The following NEK4 variants were observed in gnomAD, a reference collection of about 807,000 sequenced individuals.
The protein encoded by NEK4 is NIMA related kinase 4.
NEK4 carries 86 observed loss-of-function variants against 98.4 expected under a neutral mutation model. That is an observed-to-expected ratio of 0.87 (90% CI 0.73 to 1.05). NEK4 has a LOEUF of 1.05. Ranked by LOEUF, NEK4 falls within the 50% of genes least tolerant of loss-of-function variation. The probability of loss-of-function intolerance (pLI) is 0.00; values close to 1 mark genes in which losing one functional copy is unlikely to be tolerated. For synonymous variants in NEK4, 328 were observed against 342.2 expected (o/e 0.96, Z 0.46); for missense variants, 898 against 950.3 (o/e 0.94, Z 0.72).
intron 10 of NEK4, among the ~76,000 whole-genome samples, chr3:52,745,409 A>C (rs1317544046): frequency 6.6e-6 from 1 of 151,920 alleles, no homozygotes; most frequent in Non-Finnish European, 1.5e-5. Context: ...GTGTAACCCT[A>C]TCTCTACTAA....
At chr3:52,741,605 G>C in intron 12 of NEK4, 106 bp from the exon 13 acceptor site, 1 of 650,908 alleles carries the variant, frequency 1.5e-6, no homozygotes, top group African/African-American at 1.8e-5. Context: ...GTTCCTAGGT[G>C]CAATATAACA....
At chr3:52,738,687 GCA>G in intron 14 of NEK4, among the ~76,000 whole-genome samples, 1 of 152,096 alleles carries the variant, frequency 6.6e-6, no homozygotes, top group South Asian at 2.1e-4. Flanking sequence ...TTGGACTCAA[GCA>G]ATCTGCCCTC....
chr3:52,716,827 T>C (rs2097355565), intron 15 of NEK4, among the ~76,000 whole-genome samples: 1 of 152,232 alleles, frequency 6.6e-6, no homozygotes, highest in Non-Finnish European at 1.5e-5. Context: ...TAAGAGTCAG[T>C]GGTATGCGAA....
chr3:52,744,149 G>T, intron 11 of NEK4, 90 bp downstream of exon 11: 1 of 915,840 alleles, frequency 1.1e-6, no homozygotes. Flanking sequence ...CTGCTGGAAA[G>T]TTTCAACCTC....
chr3:52,736,324 C>T (rs1032835970), intron 15 of NEK4, among the ~76,000 whole-genome samples: 41 of 152,164 alleles, frequency 2.7e-4, no homozygotes, highest in African/African-American at 3.4e-4. Context: ...TGGTGGCTCA[C>T]GCCTGTAATC....
At chr3:52,752,933 T>TATATATATACACACACACACAC (rs148965312) in intron 6 of NEK4, among the ~76,000 whole-genome samples, 93 of 75,448 alleles carry the variant, frequency 1.2e-3, no homozygotes, top group African/African-American at 2.8e-3. Context: ...TATATATATA[T>TATATATATACACACACACACAC]ACACACACAC....
Position 52,749,743 on chromosome 3 carries a change from TG to T in NEK4, c.1454del (p.Pro485GlnfsTer7). 9.4e-6 allele frequency: 2 copies of T among 211,728 alleles called. No individual in the cohort carries two copies. The highest frequency in any genetic ancestry group is 2.0e-5 in the Non-Finnish European group (2 of 100,014). 13.1% of individuals were successfully genotyped at this position (211,728 alleles called of 1,614,324 possible). ...NLRLLGSSDS[P>X]ASASRVAGIT... is the part of the protein sequence containing the mutation. ...TCCCAGCTACTCGGGAGGCTGAGGC[TG>T]GAGAATCACTTGAACCCAGGAGGCG... On this transcript the variant is annotated frameshift_variant, in exon 8 of 16. Transcript: ENST00000233027. LOFTEE classifies it high-confidence loss of function.
chr3:52,737,435 T>C, intron 15 of NEK4, 151 bp downstream of exon 15: 4 of 699,392 alleles, frequency 5.7e-6, no homozygotes, highest in Non-Finnish European at 9.4e-6. Flanking sequence ...ATATCGATTG[T>C]GGTAATGACT....
chr3:52,759,375 T>G (rs1698262550), intron 6 of NEK4, among the ~76,000 whole-genome samples: 1 of 148,726 alleles, frequency 6.7e-6, no homozygotes, highest in Admixed American at 6.8e-5. Context: ...CACTCCAGCC[T>G]AGGCAACAGA....
intron 2 of NEK4, among the ~76,000 whole-genome samples, chr3:52,768,031 A>C (rs1034310689): frequency 6.6e-6 from 1 of 152,228 alleles, no homozygotes; most frequent in Non-Finnish European, 1.5e-5. Context: ...TGACCAATGG[A>C]TAACAAACAT....
In NEK4 at chr3:52,763,540, A is replaced by G; in HGVS notation, c.751T>C (p.Ser251Pro). The G allele has an allele frequency of 6.2e-7, 1 of 1,614,156 alleles. No individual in the cohort carries two copies. Among genetic ancestry groups the G allele is most frequent in the Non-Finnish European group, 8.5e-7 (1 of 1,180,004 alleles). ...GGCTGCCTCAGGATGCTCCTCACAG[A>G]CGGCCTTTCTTCAGGCCTTTTGCTC... ...MLSKRPEERP[S>P]VRSILRQPYI... Residue 251 changes from serine (S) to proline (P), a missense_variant, in exon 5 of 16, where the codon TCT (serine) becomes CCT (proline). Ser to Pro is a moderately conservative substitution (Grantham distance 74). Transcript: ENST00000233027.
intron 10 of NEK4, among the ~76,000 whole-genome samples, chr3:52,744,907 C>T (rs773690437): frequency 2.0e-5 from 3 of 151,614 alleles, no homozygotes; most frequent in African/African-American, 7.3e-5. Context: ...TTGCCATATT[C>T]GGAATCTACT....
chr3:52,730,611 A>G (rs2097368694), intron 15 of NEK4, among the ~76,000 whole-genome samples: 1 of 152,174 alleles, frequency 6.6e-6, no homozygotes, highest in Non-Finnish European at 1.5e-5. Flanking sequence ...TTTTTCACGT[A>G]GTGTCCTTGT....
intron 10 of NEK4, 26 bp from the exon 11 acceptor site, chr3:52,744,331 T>C (rs2268026): frequency 0.39 from 605,550 of 1,566,944 alleles, 120,479 homozygotes; most frequent in Admixed American, 0.51. Flanking sequence ...ACAGAGTCAC[T>C]TCCATTCCTA....
At chr3:52,756,424 G>C (rs1053481834) in intron 6 of NEK4, among the ~76,000 whole-genome samples, 1 of 152,174 alleles carries the variant, frequency 6.6e-6, no homozygotes, top group African/African-American at 2.4e-5. Flanking sequence ...CAATGGAACA[G>C]AATGGGGAAC....
At chr3:52,752,515 T>C (rs2097407076) in intron 6 of NEK4, among the ~76,000 whole-genome samples, 179 bp from the exon 7 acceptor site, 1 of 152,170 alleles carries the variant, frequency 6.6e-6, no homozygotes, top group African/African-American at 2.4e-5. Context: ...GTTAAGTATT[T>C]GTACACCAAT....
intron 6 of NEK4, among the ~76,000 whole-genome samples, chr3:52,752,917 AATATATAT>A (rs1553616669): frequency 1.2e-5 from 1 of 83,952 alleles, no homozygotes; most frequent in Non-Finnish European, 2.5e-5. Context: ...AAAAAAAAAA[AATATATAT>A]ATATATATAC....
chr3:52,762,759 T>C lies in NEK4; in HGVS notation c.821+711A>G, dbSNP rs1021985661. Among the ~76,000 whole-genome samples, 6 of 152,182 alleles carry C rather than the reference T, an allele frequency of 3.9e-5. No homozygotes were observed. The South Asian group carries it at 1.2e-3, about 32-fold the overall frequency. ...AGCCGGGCACGGTGGCGGGTGCCTGTAATCCCAGCTACTGGGGAGGCTGAG... is the reference window on the plus strand; with the variant it reads ...AGCCGGGCACGGTGGCGGGTGCCTGCAATCCCAGCTACTGGGGAGGCTGAG... On this transcript the variant is annotated intron_variant, in intron 5 of 15. Coordinates refer to ENST00000233027, the MANE Select transcript of NEK4 (RefSeq NM_003157.6).
intron 6 of NEK4, among the ~76,000 whole-genome samples, chr3:52,755,017 T>C (rs1463484829): frequency 2.1e-5 from 3 of 141,770 alleles, no homozygotes; most frequent in South Asian, 2.1e-4. Context: ...GAGCTTGCAG[T>C]GAGCCAAGGT....
Sources: gnomAD v4.1 joint callset for allele counts (sites outside exome capture counted in the v4.1 genomes callset) on GRCh38, gnomAD v4.1.1 for gene constraint, MANE v1.5 for transcripts, NCBI Gene and HGNC (gene_info 2026-07-23, HGNC 2026-07-21) for gene names.